The following SYNE1 variants were observed in gnomAD, a reference collection of about 807,000 sequenced individuals.
The protein encoded by SYNE1 is nesprin-1.
A neutral mutation model predicts 1,111.0 loss-of-function variants in SYNE1; 616 were observed. That is an observed-to-expected ratio of 0.55 (90% CI 0.52 to 0.59). SYNE1 has a LOEUF of 0.59. Ranked by LOEUF, SYNE1 falls within the 20% of genes least tolerant of loss-of-function variation. The pLI is 0.00. For missense variants in SYNE1, 10,006 were observed against 10,417.0 expected, an observed-to-expected ratio of 0.96 and a Z score of 1.72; for synonymous variants, 3,855 against 3,825.8, an observed-to-expected ratio of 1.01 and a Z score of -0.28.
rs555876321 is a variant in SYNE1, at chr6:152,518,069, G to T, written c.309+2390C>A. 2.6e-5 allele frequency among the ~76,000 whole-genome samples: 4 copies of T among 151,930 alleles called. No homozygotes were observed. The East Asian group carries it at 7.7e-4, about 29-fold the overall frequency. On this transcript the variant is annotated intron_variant, in intron 6 of 145. Coordinates refer to ENST00000367255, the MANE Select transcript of SYNE1 (RefSeq NM_182961.4). ...ATAATGACATAATCCCACTGACGGG[G>T]ATGGGGAAGAATAGAACTAACCTAA...
intron 145 of SYNE1, among the ~76,000 whole-genome samples, chr6:152,122,965 C>T (rs575893253): frequency 2.6e-5 from 4 of 152,302 alleles, no homozygotes; most frequent in Admixed American, 2.0e-4. Context: ...TTTCTATCAA[C>T]GAAAATAACT....
chr6:152,277,944 G>T, intron 98 of SYNE1, 145 bp downstream of exon 98: 4 of 892,962 alleles, frequency 4.5e-6, no homozygotes, highest in Non-Finnish European at 7.5e-6. Context: ...TAAACTTAAA[G>T]CTGCATGCTA....
At chr6:152,159,504 T>C (rs1014644469) in intron 131 of SYNE1, among the ~76,000 whole-genome samples, 1 of 152,238 alleles carries the variant, frequency 6.6e-6, no homozygotes, top group Non-Finnish European at 1.5e-5. Flanking sequence ...AAAAAACGAC[T>C]AGCAGGTTCT....
At chr6:152,616,210 G>T (rs1337174040) in intron 3 of SYNE1, among the ~76,000 whole-genome samples, 1 of 152,082 alleles carries the variant, frequency 6.6e-6, no homozygotes, top group African/African-American at 2.4e-5. Flanking sequence ...AGATAAAGTT[G>T]TAAGTGATGG....
chr6:152,279,683 C>T (rs1350212993), intron 97 of SYNE1, among the ~76,000 whole-genome samples: 1 of 143,946 alleles, frequency 6.9e-6, no homozygotes, highest in African/African-American at 2.6e-5. Context: ...CACCACTGCT[C>T]TCCAGCCTGG....
At chr6:152,309,765 C>T in intron 90 of SYNE1, 70 bp downstream of exon 90, 1 of 1,594,006 alleles carries the variant, frequency 6.3e-7, no homozygotes, top group Non-Finnish European at 8.5e-7. Flanking sequence ...GCTGAGCCCA[C>T]ACAATGCTAA....
chr6:152,208,304 AGAAGTGATCTAGGG>A, intron 124 of SYNE1, 98 bp from the exon 125 acceptor site: 1 of 1,088,672 alleles, frequency 9.2e-7, no homozygotes, highest in Non-Finnish European at 1.4e-6. Context: ...CTAAGCCCTG[AGAAGTGATCTAGGG>A]CGGTGGTTTT....
intron 3 of SYNE1, among the ~76,000 whole-genome samples, chr6:152,595,431 G>A (rs749195800): frequency 7.9e-5 from 12 of 152,218 alleles, no homozygotes; most frequent in South Asian, 2.1e-4. Context: ...TGCCTTCCCC[G>A]CTTTCAAGGC....
chr6:152,155,344 A>G, intron 132 of SYNE1: 1 of 387,944 alleles, frequency 2.6e-6, no homozygotes, highest in Non-Finnish European at 4.8e-6. Context: ...AGTTTAGAAA[A>G]GCAACACCAG....
chr6:152,364,686 G>GAGGAAAGA (rs2097022594), intron 63 of SYNE1, among the ~76,000 whole-genome samples, 161 bp downstream of exon 63: 1 of 108,012 alleles, frequency 9.3e-6, no homozygotes. Flanking sequence ...AAGGAGGAAG[G>GAGGAAAGA]AGGAAGGAAG....
intron 123 of SYNE1, among the ~76,000 whole-genome samples, chr6:152,212,363 A>G (rs1325201829): frequency 1.3e-5 from 2 of 152,146 alleles, no homozygotes; most frequent in African/African-American, 4.8e-5. Context: ...TTTCTTGTAA[A>G]TGGAATCTTG....
intron 141 of SYNE1, 95 bp downstream of exon 141, chr6:152,136,523 G>A: frequency 6.8e-7 from 1 of 1,479,832 alleles, no homozygotes; most frequent in Admixed American, 1.8e-5. Flanking sequence ...GGGAGCAACT[G>A]CGTCCCTCTA....
At chr6:152,285,511 C>T (rs1188622681) in intron 95 of SYNE1, among the ~76,000 whole-genome samples, 1 of 152,172 alleles carries the variant, frequency 6.6e-6, no homozygotes, top group East Asian at 1.9e-4. Context: ...TGTTACTACA[C>T]TCGTGTAGTC....
Position 152,233,784 on chromosome 6 carries a change from G to C in SYNE1, c.20709C>G (p.His6903Gln). 1 of 1,614,162 alleles carries C rather than the reference G, an allele frequency of 6.2e-7. No individual in the cohort carries two copies. The change falls in exon 112 of 146, where the codon CAC (histidine) becomes CAG (glutamine). Residue 6903 changes from histidine to glutamine, a missense_variant. Physicochemically the swap from His to Gln is conservative, Grantham distance 24 (BLOSUM62 0). Around this residue, in one of 7 missense-constraint regions of SYNE1, gnomAD observed 2,182 missense variants for 2,287.8 expected, o/e 0.95. Coordinates refer to ENST00000367255, the MANE Select transcript of SYNE1 (RefSeq NM_182961.4). ...TNIPAVQEKL[H>Q]QLQMDKLPSR... is the part of the protein sequence containing the mutation. ...ACGAAAGCAATCCTTTCTGTACCTG[G>C]TGGAGCTTCTCCTGGACGGCTGGGA... is the stretch of plus-strand genomic sequence containing the variant.
intron 119 of SYNE1, among the ~76,000 whole-genome samples, chr6:152,219,999 A>G (rs903355824): frequency 1.3e-5 from 2 of 152,256 alleles, no homozygotes; most frequent in African/African-American, 4.8e-5. Flanking sequence ...CTTGACACAG[A>G]TAACAGACAA....
At chr6:152,484,038 CAAA>C (rs773019397) in intron 13 of SYNE1, among the ~76,000 whole-genome samples, 19 of 53,498 alleles carry the variant, frequency 3.6e-4, no homozygotes, top group Admixed American at 3.0e-3. Context: ...CTCATCTCTA[CAAA>C]AAAAAAAAAA....
intron 101 of SYNE1, among the ~76,000 whole-genome samples, chr6:152,259,811 G>A (rs2091664979): frequency 1.3e-5 from 2 of 151,860 alleles, no homozygotes; most frequent in Non-Finnish European, 2.9e-5. Context: ...AACCTATGAG[G>A]CACTTTGTAC....
chr6:152,137,313 G>A (rs1251789093), intron 140 of SYNE1, among the ~76,000 whole-genome samples: 4 of 152,124 alleles, frequency 2.6e-5, no homozygotes, highest in Non-Finnish European at 4.4e-5. Context: ...TCCACACTCT[G>A]TACAGAGGTT....
chr6:152,372,552 T>A (rs1388077342), intron 59 of SYNE1, among the ~76,000 whole-genome samples: 1 of 152,214 alleles, frequency 6.6e-6, no homozygotes, highest in African/African-American at 2.4e-5. Context: ...TTATAATAGA[T>A]TCATCTTCTA....
Sources: allele counts gnomAD v4.1 joint callset (sites outside exome capture counted in the v4.1 genomes callset), GRCh38; gene constraint gnomAD v4.1.1; regional missense constraint gnomAD v4.1.1; transcripts MANE v1.5; gene names NCBI Gene and HGNC (gene_info 2026-07-23, HGNC 2026-07-21).